Variants in USP34 observed in about 807,000 individuals in gnomAD.
USP34 encodes the protein ubiquitin carboxyl-terminal hydrolase 34.
Under a neutral mutation model 460.3 loss-of-function variants are expected in USP34, and 70 were observed. The ratio of observed to expected loss-of-function variants is 0.15; its 90% CI spans 0.13 to 0.19. The LOEUF (loss-of-function observed/expected upper bound fraction) is 0.19, where lower values mean the gene tolerates loss of function less well. Ranked by LOEUF, USP34 falls within the 10% of genes least tolerant of loss-of-function variation. The pLI is 1.00. For missense variants in USP34, 3,985 were observed against 4,236.2 expected (o/e 0.94, Z 1.65); for synonymous variants, 1,647 against 1,405.3 (o/e 1.17, Z -3.85).
chr2:61,451,282 G>A (rs904377460), intron 1 of USP34, among the ~76,000 whole-genome samples: 19 of 146,198 alleles, frequency 1.3e-4, no homozygotes, highest in Admixed American at 3.4e-4. Flanking sequence ...TTGGTTTAAC[G>A]GCACCAGGCA....
At chr2:61,209,868 C>CT (rs1308168040) in intron 69 of USP34, among the ~76,000 whole-genome samples, 2 of 152,148 alleles carry the variant, frequency 1.3e-5, no homozygotes, top group Non-Finnish European at 2.9e-5. Flanking sequence ...GACAGAGATA[C>CT]TGATGATCCC....
Position 61,454,874 on chromosome 2 carries a change from T to G in USP34, c.43+15776A>C, listed in dbSNP as rs1487831612. 4.7e-5 allele frequency among the ~76,000 whole-genome samples: 7 copies of G among 149,272 alleles called. No individual in the cohort carries two copies. The East Asian group carries it at 1.2e-3, about 25-fold the overall frequency. ...ATATAGTGGGGTTTTTTTTTTCTTT[T>G]TTTTTTTTTTTGGTTGTTTATTTGA... is the stretch of plus-strand genomic sequence containing the variant. On this transcript the variant is annotated intron_variant, in intron 1 of 79. Transcript: ENST00000398571.
intron 2 of USP34, among the ~76,000 whole-genome samples, chr2:61,411,615 T>C (rs190486430): frequency 2.0e-4 from 30 of 152,344 alleles, no homozygotes; most frequent in Admixed American, 1.6e-3. Flanking sequence ...ACTATGCTGA[T>C]AGCTGTCATC....
rs1461008596 is a variant in USP34 at position 61,305,576 on chromosome 2, C to T, written c.3818-4122G>A. On this transcript the variant is annotated intron_variant, in intron 27 of 79. Transcript: ENST00000398571. ...ACCAATAGCATAGAAACATTATAGG[C>T]TCAGAAATTAAAAGGTTAAGGAGAG... Among the ~76,000 whole-genome samples the T allele has an allele frequency of 5.3e-5, 8 of 151,982 alleles. No homozygotes were observed. The East Asian group carries it at 1.4e-3, about 26-fold the overall frequency.
chr2:61,213,229 G>A (rs900073837), intron 68 of USP34, among the ~76,000 whole-genome samples: 1 of 152,072 alleles, frequency 6.6e-6, no homozygotes, highest in Non-Finnish European at 1.5e-5. Flanking sequence ...TGCCCAGGCT[G>A]GTCTTGAACT....
chr2:61,310,337 C>G (rs1310562851), intron 27 of USP34, among the ~76,000 whole-genome samples: 1 of 151,948 alleles, frequency 6.6e-6, no homozygotes, highest in East Asian at 1.9e-4. Flanking sequence ...TGAAAACAAT[C>G]TAAATGTCCA....
At chr2:61,263,838 G>A (rs540273896) in intron 43 of USP34, among the ~76,000 whole-genome samples, 2 of 152,090 alleles carry the variant, frequency 1.3e-5, no homozygotes, top group African/African-American at 4.8e-5. Context: ...TGGCCAAGCT[G>A]CTTTGTCCAC....
rs545197004 is a variant in USP34 at position 61,383,416 on chromosome 2, G to T, written c.754-80C>A. The T allele has an allele frequency of 8.7e-6, 10 of 1,153,976 alleles. No homozygotes were observed. The South Asian group carries it at 1.5e-4, about 17-fold the overall frequency. The allele number at this position is 1,153,976 out of a possible 1,614,324, so 71.5% of individuals were successfully genotyped here. On this transcript the variant is annotated intron_variant, in intron 5 of 79. Coordinates refer to ENST00000398571, the MANE Select transcript of USP34 (RefSeq NM_014709.4). ...CTTTCACTAAACTAATGAAAAACAA[G>T]AGCATTGGCCAGGCACGGTCGCTCA...
At chr2:61,271,392 A>G (rs1159360483) in intron 41 of USP34, among the ~76,000 whole-genome samples, 4 of 152,234 alleles carry the variant, frequency 2.6e-5, no homozygotes, top group African/African-American at 4.8e-5. Context: ...CATGAAGTAT[A>G]AATATCATGA....
chr2:61,430,275 A>G (rs1367739657), intron 1 of USP34, among the ~76,000 whole-genome samples: 3 of 151,922 alleles, frequency 2.0e-5, no homozygotes, highest in African/African-American at 7.2e-5. Context: ...GTGCTGGCAC[A>G]TGCCCATAAT....
Position 61,406,026 on chromosome 2 carries a change from C to T in USP34, c.234G>A (p.Arg78=). ...NLVIAQVQVL[R]DQLCKHCTTI... ...TAGTACAATGTTTACAAAGCTGGTC[C>T]CGGAGCACTTGAACTTGGGCAATCA... The change falls in exon 3 of 80, where the codon CGG becomes CGA. Residue 78 remains arginine, a synonymous_variant. Transcript: ENST00000398571. The T allele has an allele frequency of 6.2e-7, 1 of 1,613,578 alleles. No individual in the cohort carries two copies. The highest frequency in any genetic ancestry group is 8.5e-7 in the Non-Finnish European group (1 of 1,179,918).
intron 8 of USP34, among the ~76,000 whole-genome samples, chr2:61,371,067 T>C (rs567454124): frequency 6.6e-6 from 1 of 152,264 alleles, no homozygotes; most frequent in African/African-American, 2.4e-5. Flanking sequence ...AAAAGTGAAG[T>C]AACAGACAGT....
At chr2:61,338,868 A>C (rs1454614898) in intron 18 of USP34, among the ~76,000 whole-genome samples, 1 of 152,232 alleles carries the variant, frequency 6.6e-6, no homozygotes, top group Non-Finnish European at 1.5e-5. Context: ...TAATATATAC[A>C]ACTTGATGAG....
chr2:61,209,815 G>A (rs1178316733), intron 69 of USP34, among the ~76,000 whole-genome samples: 1 of 152,190 alleles, frequency 6.6e-6, no homozygotes, highest in East Asian at 1.9e-4. Context: ...GCTAGTTACT[G>A]CCTCTGAAGA....
At chr2:61,364,009 A>G (rs1229691212) in intron 10 of USP34, among the ~76,000 whole-genome samples, 1 of 152,238 alleles carries the variant, frequency 6.6e-6, no homozygotes, top group Non-Finnish European at 1.5e-5. Context: ...AGCCACACAG[A>G]GAAGGACAAA....
chr2:61,240,140 T>C (rs1264599345), intron 53 of USP34, among the ~76,000 whole-genome samples: 3 of 152,146 alleles, frequency 2.0e-5, no homozygotes, highest in African/African-American at 7.2e-5. Context: ...CTGGAGAAGA[T>C]TTGCTTTTTT....
At chr2:61,464,565 C>CAAA (rs138562501) in intron 1 of USP34, among the ~76,000 whole-genome samples, 6,918 of 152,056 alleles carry the variant, frequency 0.045, 233 homozygotes, top group Middle Eastern at 0.088. Flanking sequence ...AACGAATACA[C>CAAA]AGAGTAAAAT....
At chr2:61,446,635 A>G (rs1319690564) in intron 1 of USP34, among the ~76,000 whole-genome samples, 1 of 152,038 alleles carries the variant, frequency 6.6e-6, no homozygotes, top group East Asian at 1.9e-4. Flanking sequence ...ATCTCTACTA[A>G]AAATACAAAA....
chr2:61,272,143 G>A (rs1366681789), intron 41 of USP34, among the ~76,000 whole-genome samples: 4 of 152,144 alleles, frequency 2.6e-5, no homozygotes, highest in Non-Finnish European at 2.9e-5. Context: ...CGGGCACGGC[G>A]GCTCACGCCT....
Sources: gnomAD v4.1 joint callset for allele counts (sites outside exome capture counted in the v4.1 genomes callset) on GRCh38, gnomAD v4.1.1 for gene constraint, MANE v1.5 for transcripts, NCBI Gene and HGNC (gene_info 2026-07-23, HGNC 2026-07-21) for gene names.